The following UBP1 variants were observed in gnomAD, a reference collection of about 807,000 sequenced individuals.
UBP1 encodes upstream binding protein 1, also known as upstream-binding protein 1.
A neutral mutation model predicts 76.1 loss-of-function variants in UBP1; 22 were observed. The ratio of observed to expected loss-of-function variants is 0.29; its 90% CI spans 0.21 to 0.41. The LOEUF (loss-of-function observed/expected upper bound fraction) is 0.41, where lower values mean the gene tolerates loss of function less well. Ranked by LOEUF, UBP1 falls within the 10% of genes least tolerant of loss-of-function variation. The probability of loss-of-function intolerance (pLI) is 1.00; values close to 1 mark genes in which losing one functional copy is unlikely to be tolerated. For missense variants in UBP1, 436 were observed against 668.1 expected, an observed-to-expected ratio of 0.65 and a Z score of 3.83; for synonymous variants, 224 against 237.1, an observed-to-expected ratio of 0.94 and a Z score of 0.51.
intron 1 of UBP1, among the ~76,000 whole-genome samples, chr3:33,428,685 A>G (rs976172183): frequency 6.6e-6 from 1 of 152,144 alleles, no homozygotes; most frequent in East Asian, 1.9e-4. Flanking sequence ...ATTAGAAAGA[A>G]AATGCCTTCC....
chr3:33,392,697 T>C (rs1575444403), intron 14 of UBP1, 83 bp from the exon 15 acceptor site: 1 of 1,344,918 alleles, frequency 7.4e-7, no homozygotes, highest in African/African-American at 1.5e-5. Context: ...TAAATATTCT[T>C]CTCAAACAAA....
At chr3:33,426,379 A>AG (rs1221366473) in intron 1 of UBP1, among the ~76,000 whole-genome samples, 2 of 152,026 alleles carry the variant, frequency 1.3e-5, no homozygotes, top group East Asian at 3.9e-4. Flanking sequence ...GAGAATGATG[A>AG]GGGGTCTTCT....
chr3:33,435,356 C>G (rs921235270), intron 1 of UBP1, among the ~76,000 whole-genome samples: 1 of 152,206 alleles, frequency 6.6e-6, no homozygotes, highest in Non-Finnish European at 1.5e-5. Context: ...TAAAATTGTT[C>G]TACACAGATG....
At chr3:33,396,624 G>C (rs1337903188) in intron 12 of UBP1, 4 of 402,416 alleles carry the variant, frequency 9.9e-6, no homozygotes, top group Non-Finnish European at 1.9e-5. Context: ...GATAGTAAAT[G>C]GTTCTTACAA....
At chr3:33,430,350 G>GTCC (rs2045092323) in intron 1 of UBP1, among the ~76,000 whole-genome samples, 1 of 152,188 alleles carries the variant, frequency 6.6e-6, no homozygotes, top group African/African-American at 2.4e-5. Context: ...AGGGTGAAGG[G>GTCC]AAAGTACTGG....
intron 13 of UBP1, among the ~76,000 whole-genome samples, chr3:33,393,752 A>G (rs1250166815): frequency 6.6e-6 from 1 of 152,188 alleles, no homozygotes; most frequent in Non-Finnish European, 1.5e-5. Flanking sequence ...TTTTTATTCA[A>G]TGAATATAGT....
intron 8 of UBP1, among the ~76,000 whole-genome samples, chr3:33,405,307 G>A (rs543144033): frequency 4.6e-5 from 7 of 152,296 alleles, no homozygotes; most frequent in African/African-American, 1.7e-4. Flanking sequence ...TGGATTTAAT[G>A]AATTTTTTGA....
At position 33,440,223 on chromosome 3, in the gene UBP1, C is replaced by T. The variant is rs2045271299; in HGVS notation, c.-375G>A. 6.4e-6 allele frequency: 1 copy of T among 156,008 alleles called. No individual in the cohort carries two copies. Among genetic ancestry groups the T allele is most frequent in the African/African-American group, 2.4e-5 (1 of 41,438 alleles). 9.7% of individuals were successfully genotyped at this position (156,008 alleles called of 1,614,324 possible). A position where few individuals can be genotyped will look rare whatever the true frequency, so the allele number is the denominator to read the frequency against. ...CGCTGGGAGGCTGGACCTCGGGCCG[C>T]TCCGAGGACCACACGGGGGCAAGCC... is the stretch of plus-strand genomic sequence containing the variant. On this transcript the variant is annotated 5_prime_UTR_variant, in exon 1 of 16. Coordinates refer to ENST00000283629, the MANE Select transcript of UBP1 (RefSeq NM_014517.5).
chr3:33,415,551 G>T (rs1038748973), intron 3 of UBP1, among the ~76,000 whole-genome samples: 2 of 152,110 alleles, frequency 1.3e-5, no homozygotes, highest in Non-Finnish European at 2.9e-5. Context: ...CCATATGATG[G>T]ATATATGTGG....
intron 2 of UBP1, among the ~76,000 whole-genome samples, chr3:33,419,652 A>G (rs566072760): frequency 6.6e-6 from 1 of 151,890 alleles, no homozygotes; most frequent in African/African-American, 2.4e-5. Context: ...AAACCAGAAG[A>G]AAAGAAAAGA....
intron 10 of UBP1, among the ~76,000 whole-genome samples, chr3:33,400,692 G>A (rs1416215928): frequency 6.6e-6 from 1 of 152,052 alleles, no homozygotes; most frequent in Middle Eastern, 3.2e-3. Context: ...ATAAGAGAGA[G>A]GATGAGAAGA....
chr3:33,393,207 C>T, intron 14 of UBP1, 105 bp downstream of exon 14: 1 of 1,175,724 alleles, frequency 8.5e-7, no homozygotes, highest in Non-Finnish European at 1.2e-6. Context: ...AAATGATTCT[C>T]ATAAGTATTT....
rs543550665 is a variant in UBP1, at chr3:33,388,724, T to G, written c.*1607A>C. On this transcript the variant is annotated 3_prime_UTR_variant, in exon 16 of 16. Transcript: ENST00000283629. ...AAGGGAAAAAGTCAGAAAGGAAAACTCTCTGCCTATAGGATCTATAGGAGT... is the reference window on the plus strand; with the variant it reads ...AAGGGAAAAAGTCAGAAAGGAAAACGCTCTGCCTATAGGATCTATAGGAGT... The G allele has an allele frequency of 6.6e-6, 1 of 152,296 alleles. No homozygotes were observed. Among genetic ancestry groups the G allele is most frequent in the Admixed American group, 6.5e-5 (1 of 15,298 alleles). 9.4% of individuals were successfully genotyped at this position (152,296 alleles called of 1,614,324 possible).
chr3:33,406,289 C>A (rs1366045242), intron 8 of UBP1, among the ~76,000 whole-genome samples: 1 of 152,116 alleles, frequency 6.6e-6, no homozygotes, highest in Admixed American at 6.5e-5. Context: ...GTTTTTCTTT[C>A]CACCTTACAA....
chr3:33,407,640 A>G (rs2044462871), intron 8 of UBP1, among the ~76,000 whole-genome samples: 2 of 152,162 alleles, frequency 1.3e-5, no homozygotes, highest in Admixed American at 6.5e-5. Flanking sequence ...TGCATAGAGA[A>G]GCATTAAAAC....
intron 2 of UBP1, among the ~76,000 whole-genome samples, chr3:33,419,417 C>G (rs564368103): frequency 1.3e-5 from 2 of 152,170 alleles, no homozygotes; most frequent in South Asian, 4.2e-4. Context: ...ATCACGAGGT[C>G]AGGAGTTTGA....
intron 12 of UBP1, 195 bp from the exon 13 acceptor site, chr3:33,396,475 T>A (rs146291548): frequency 2.1e-4 from 105 of 510,346 alleles, no homozygotes; most frequent in Middle Eastern, 4.9e-4. Context: ...TGGTCTAATA[T>A]GATGATCCAG....
intron 8 of UBP1, among the ~76,000 whole-genome samples, chr3:33,404,349 T>C (rs941057084): frequency 6.6e-5 from 10 of 150,938 alleles, no homozygotes; most frequent in African/African-American, 2.2e-4. Flanking sequence ...GAGGCGGGGG[T>C]TGCAGTGAGC....
chr3:33,421,767 G>A (rs910166141), intron 2 of UBP1, among the ~76,000 whole-genome samples: 3 of 152,046 alleles, frequency 2.0e-5, no homozygotes, highest in Admixed American at 6.5e-5. Flanking sequence ...TGACCATTTC[G>A]GCTGGGAGTG....
Sources: gnomAD v4.1 joint callset for allele counts (sites outside exome capture counted in the v4.1 genomes callset) on GRCh38, gnomAD v4.1.1 for gene constraint, MANE v1.5 for transcripts, NCBI Gene and HGNC (gene_info 2026-07-23, HGNC 2026-07-21) for gene names.